Variants in VRK2 observed in about 807,000 individuals in gnomAD.
The protein encoded by VRK2 is serine/threonine-protein kinase VRK2.
In VRK2, 60 loss-of-function variants were observed where a neutral mutation model predicts 57.6. The ratio of observed to expected loss-of-function variants is 1.04; its 90% confidence interval spans 0.85 to 1.29. The LOEUF (loss-of-function observed/expected upper bound fraction) is 1.29, where lower values mean the gene tolerates loss of function less well. Among genes scored for constraint, VRK2 ranks in the 50% most tolerant of loss-of-function variants. The pLI is 0.00. For synonymous variants in VRK2, 231 were observed against 199.2 expected (o/e 1.16, Z -1.35); for missense variants, 705 against 588.1 (o/e 1.20, Z -2.06).
chr2:58,047,052 TC>T (rs1233158812), intron 1 of VRK2, 184 bp downstream of exon 1: 2 of 893,708 alleles, frequency 2.2e-6, no homozygotes, highest in African/African-American at 1.8e-5. Flanking sequence ...GGTTCTTTTT[TC>T]CCCGCTGGGA....
intron 1 of VRK2, among the ~76,000 whole-genome samples, chr2:57,935,458 A>G (rs967143632): frequency 6.6e-6 from 1 of 152,106 alleles, no homozygotes; most frequent in Non-Finnish European, 1.5e-5. Flanking sequence ...TTTACAATTC[A>G]GTAGGGTCAA....
intron 4 of VRK2, among the ~76,000 whole-genome samples, chr2:58,085,715 C>T (rs899291363): frequency 1.3e-5 from 2 of 151,736 alleles, no homozygotes; most frequent in Admixed American, 6.6e-5. Flanking sequence ...ATTGCTTAAA[C>T]TATGTCACAG....
At chr2:58,137,438 A>G (rs2104593799) in intron 10 of VRK2, among the ~76,000 whole-genome samples, 1 of 151,874 alleles carries the variant, frequency 6.6e-6, no homozygotes, top group African/African-American at 2.4e-5. Flanking sequence ...TGAGTAATCT[A>G]GATGGGAGAC....
chr2:58,077,460 G>A (rs1481004054), intron 2 of VRK2, among the ~76,000 whole-genome samples: 1 of 151,878 alleles, frequency 6.6e-6, no homozygotes, highest in East Asian at 1.9e-4. Context: ...TTATTCTTCT[G>A]TCTCTTAGAA....
At chr2:57,957,058 A>T (rs1341480866) in intron 1 of VRK2, among the ~76,000 whole-genome samples, 1 of 152,032 alleles carries the variant, frequency 6.6e-6, no homozygotes, top group Non-Finnish European at 1.5e-5. Flanking sequence ...TTACTACAAG[A>T]CTCAATAGAG....
intron 2 of VRK2, among the ~76,000 whole-genome samples, chr2:58,049,778 C>T (rs1315695778): frequency 2.0e-5 from 3 of 152,070 alleles, no homozygotes; most frequent in Admixed American, 6.5e-5. Flanking sequence ...GATAAAATAC[C>T]TCCGTTGAGG....
chr2:57,950,676 C>G (rs1487591921), intron 1 of VRK2, among the ~76,000 whole-genome samples: 1 of 152,172 alleles, frequency 6.6e-6, no homozygotes, highest in Non-Finnish European at 1.5e-5. Context: ...AATTTCAAGT[C>G]ATTATTTAAG....
intron 5 of VRK2, 104 bp downstream of exon 5, chr2:58,086,530 A>G (rs1022061808): frequency 5.2e-6 from 5 of 959,044 alleles, no homozygotes; most frequent in Admixed American, 2.8e-5. Context: ...ATATTGGCAT[A>G]TAACCACAAA....
intron 7 of VRK2, among the ~76,000 whole-genome samples, chr2:58,104,076 A>C (rs190667836): frequency 6.6e-6 from 1 of 151,756 alleles, no homozygotes; most frequent in African/African-American, 2.4e-5. Flanking sequence ...ACATACCTCA[A>C]AATAACAAAG....
At chr2:57,962,076 T>C (rs952705754) in intron 1 of VRK2, among the ~76,000 whole-genome samples, 2 of 152,144 alleles carry the variant, frequency 1.3e-5, no homozygotes, top group African/African-American at 4.8e-5. Context: ...GACTTGTCTC[T>C]AAAACAAACA....
At chr2:57,975,247 A>T (rs933241248) in intron 1 of VRK2, among the ~76,000 whole-genome samples, 9 of 152,062 alleles carry the variant, frequency 5.9e-5, no homozygotes, top group Admixed American at 2.0e-4. Flanking sequence ...TCAGTGACTG[A>T]GATGAAACAC....
intron 7 of VRK2, among the ~76,000 whole-genome samples, chr2:58,092,404 C>A (rs911696497): frequency 2.0e-5 from 3 of 152,176 alleles, no homozygotes; most frequent in African/African-American, 4.8e-5. Flanking sequence ...GCTACAATTT[C>A]TGTTCACCTG....
At chr2:58,141,699 T>G (rs539597584) in intron 11 of VRK2, among the ~76,000 whole-genome samples, 1 of 152,120 alleles carries the variant, frequency 6.6e-6, no homozygotes, top group African/African-American at 2.4e-5. Flanking sequence ...TCACCATATG[T>G]GGCTAAACTT....
At chr2:58,131,499 G>C (rs1679184887) in intron 8 of VRK2, among the ~76,000 whole-genome samples, 1 of 151,924 alleles carries the variant, frequency 6.6e-6, no homozygotes, top group Non-Finnish European at 1.5e-5. Context: ...TGTTGGTGCT[G>C]GGTTATGGGT....
intron 11 of VRK2, among the ~76,000 whole-genome samples, chr2:58,142,763 CATT>C (rs1182347252): frequency 2.0e-5 from 3 of 151,860 alleles, no homozygotes; most frequent in Non-Finnish European, 4.4e-5. Context: ...CTAAAGGCCC[CATT>C]ACGACCCTTG....
At chr2:57,961,681 C>A (rs1363439234) in intron 1 of VRK2, among the ~76,000 whole-genome samples, 1 of 130,016 alleles carries the variant, frequency 7.7e-6, no homozygotes, top group Non-Finnish European at 1.6e-5. Flanking sequence ...TCCAATTTAA[C>A]TGACTTATTA....
chr2:58,041,033 T>A, intron 3 of VRK2: 7 of 985,240 alleles, frequency 7.1e-6, no homozygotes, highest in Non-Finnish European at 8.4e-6. Flanking sequence ...CTCCTCCTTA[T>A]CCAGCTCATG....
intron 12 of VRK2, among the ~76,000 whole-genome samples, chr2:58,156,227 TGTTTTTTTTTCTGCTAAGAA>T (rs1003211642): frequency 6.6e-6 from 1 of 152,184 alleles, no homozygotes; most frequent in Non-Finnish European, 1.5e-5. Flanking sequence ...TTCATAGGTC[TGTTTTTTTTTCTGCTAAGAA>T]GTTAGCAGTT....
At chr2:58,080,503 T>C (rs772666093) in intron 2 of VRK2, among the ~76,000 whole-genome samples, 1 of 152,072 alleles carries the variant, frequency 6.6e-6, no homozygotes, top group Non-Finnish European at 1.5e-5. Flanking sequence ...TTTCCTGTTA[T>C]TCTGCTAGTT....
Sources: gnomAD v4.1 joint callset for allele counts (sites outside exome capture counted in the v4.1 genomes callset) on GRCh38, gnomAD v4.1.1 for gene constraint, MANE v1.5 for transcripts, NCBI Gene and HGNC (gene_info 2026-07-23, HGNC 2026-07-21) for gene names.